RBMS3: variants seen among roughly 807,000 people sequenced by gnomAD.
The protein encoded by RBMS3 is RNA-binding motif, single-stranded-interacting protein 3.
In RBMS3, 27 loss-of-function variants were observed where a neutral mutation model predicts 66.8. That is an observed-to-expected ratio of 0.40 (90% confidence interval 0.30 to 0.56). RBMS3 has a LOEUF of 0.56. RBMS3 is among the 20% of genes least tolerant of loss of function. The pLI is 0.40. For missense variants in RBMS3, 513 were observed against 549.5 expected (o/e 0.93, Z 0.66); for synonymous variants, 188 against 183.0 (o/e 1.03, Z -0.22).
chr3:29,454,353 T>C (rs2042112517), intron 2 of RBMS3, among the ~76,000 whole-genome samples: 1 of 152,180 alleles, frequency 6.6e-6, no homozygotes, highest in Non-Finnish European at 1.5e-5. Context: ...TTCCCTCTGT[T>C]CACTCACAGA....
At chr3:29,386,078 C>G (rs2038996637) in intron 1 of RBMS3, among the ~76,000 whole-genome samples, 1 of 152,190 alleles carries the variant, frequency 6.6e-6, no homozygotes, top group South Asian at 2.1e-4. Flanking sequence ...GCTTGTCCCT[C>G]TCTCTTCTTT....
chr3:29,926,464 C>T (rs137917246), intron 10 of RBMS3, among the ~76,000 whole-genome samples: 55 of 152,274 alleles, frequency 3.6e-4, no homozygotes, highest in African/African-American at 1.3e-3. Flanking sequence ...GCAACTTGCA[C>T]TATAAACAAT....
At chr3:29,371,712 G>T (rs1394540222) in intron 1 of RBMS3, among the ~76,000 whole-genome samples, 3 of 152,066 alleles carry the variant, frequency 2.0e-5, no homozygotes, top group Non-Finnish European at 4.4e-5. Flanking sequence ...TGGTTCCAAG[G>T]AAGCCTTTAC....
chr3:29,691,626 G>A (rs1027354348), intron 4 of RBMS3, among the ~76,000 whole-genome samples: 1 of 152,044 alleles, frequency 6.6e-6, no homozygotes, highest in African/African-American at 2.4e-5. Context: ...AAACAAAATG[G>A]CTTAATTCAT....
At chr3:29,529,481 GA>G (rs1179953928) in intron 3 of RBMS3, among the ~76,000 whole-genome samples, 1 of 152,124 alleles carries the variant, frequency 6.6e-6, no homozygotes, top group African/African-American at 2.4e-5. Flanking sequence ...ATGATTCTGT[GA>G]GAAGAATTTA....
chr3:29,770,767 G>A (rs2056165402), intron 6 of RBMS3, among the ~76,000 whole-genome samples: 2 of 151,996 alleles, frequency 1.3e-5, no homozygotes, highest in South Asian at 2.1e-4. Flanking sequence ...GTCCGGATGA[G>A]TCCTATTAGG....
At position 30,002,625 on chromosome 3, in the gene RBMS3, A is replaced by C. The variant is rs1377915959; in HGVS notation, c.1308-1231A>C. On this transcript the variant is annotated intron_variant, in intron 14 of 14. Transcript: ENST00000383767. ...AAGATATCTCACTTTCTCATATAAC[A>C]CAGTAATATATTTTTAGGGACTTAA... Among the ~76,000 whole-genome samples, 3 of 152,042 alleles carry C rather than the reference A, an allele frequency of 2.0e-5. No individual in the cohort carries two copies. The East Asian group carries it at 5.8e-4, about 29-fold the overall frequency.
At chr3:29,362,482 C>T (rs1173861936) in intron 1 of RBMS3, among the ~76,000 whole-genome samples, 1 of 152,218 alleles carries the variant, frequency 6.6e-6, no homozygotes, top group Admixed American at 6.5e-5. Context: ...CCCAGATAGG[C>T]TGCTCGGGGG....
chr3:29,384,521 T>C (rs1176710802), intron 1 of RBMS3, among the ~76,000 whole-genome samples: 1 of 151,000 alleles, frequency 6.6e-6, no homozygotes, highest in African/African-American at 2.4e-5. Flanking sequence ...TGAAAAAGAG[T>C]AGTGAAGTGA....
In RBMS3 at chr3:29,608,851, C is replaced by T. The variant is rs559410224; in HGVS notation, c.399+21646C>T. On this transcript the variant is annotated intron_variant, in intron 4 of 14. Coordinates refer to ENST00000383767, the MANE Select transcript of RBMS3 (RefSeq NM_001003793.3). ...TATTTTTGTGTGTAAATACGTCTCTCTTCTGTGCTCCTTGTTTGCATTAGG... is the reference window on the plus strand; with the variant it reads ...TATTTTTGTGTGTAAATACGTCTCTTTTCTGTGCTCCTTGTTTGCATTAGG... Among the ~76,000 whole-genome samples the T allele has an allele frequency of 2.0e-5, 3 of 152,100 alleles. No individual in the cohort carries two copies. In the East Asian group the frequency reaches 5.8e-4, roughly 29 times the overall value.
chr3:29,929,971 G>C (rs1249909282), intron 10 of RBMS3, among the ~76,000 whole-genome samples: 1 of 151,508 alleles, frequency 6.6e-6, no homozygotes, highest in African/African-American at 2.4e-5. Flanking sequence ...TAATAGTCCT[G>C]TTTTCTTTCA....
rs577588908 is a variant in RBMS3 at position 29,481,952 on chromosome 3, A to G, written c.249-6489A>G. Among the ~76,000 whole-genome samples the G allele has an allele frequency of 4.6e-5, 7 of 152,330 alleles. No individual in the cohort carries two copies. In the South Asian group the frequency reaches 1.0e-3, roughly 23 times the overall value. On this transcript the variant is annotated intron_variant, in intron 2 of 14. Coordinates refer to ENST00000383767, the MANE Select transcript of RBMS3 (RefSeq NM_001003793.3). ...ATTTTATTTCATTTTTACAGTTGCT[A>G]TAGAAAACAGAACATAGTAATCATA...
chr3:29,435,876 G>C (rs1213862621), intron 2 of RBMS3, among the ~76,000 whole-genome samples: 1 of 141,612 alleles, frequency 7.1e-6, no homozygotes, highest in Non-Finnish European at 1.5e-5. Flanking sequence ...TCAGGAGGCT[G>C]AGGCAGGAGA....
chr3:29,307,592 C>T (rs1244459737), intron 1 of RBMS3, among the ~76,000 whole-genome samples: 1 of 151,796 alleles, frequency 6.6e-6, no homozygotes, highest in Non-Finnish European at 1.5e-5. Flanking sequence ...TTGTTCAGTG[C>T]AAGGTGAAAG....
intron 12 of RBMS3, 195 bp from the exon 13 acceptor site, chr3:29,987,948 C>T: frequency 1.9e-6 from 1 of 523,582 alleles, no homozygotes; most frequent in South Asian, 2.4e-5. Context: ...GGTAGGGCTA[C>T]TGTGGGTACT....
intron 2 of RBMS3, among the ~76,000 whole-genome samples, chr3:29,460,517 A>G (rs920318202): frequency 1.3e-5 from 2 of 152,178 alleles, no homozygotes. Flanking sequence ...TATGAATTGC[A>G]TTTTTAATAA....
At chr3:30,003,746 T>C (rs1426414138) in intron 14 of RBMS3, 110 bp from the exon 15 acceptor site, 4 of 683,314 alleles carry the variant, frequency 5.9e-6, no homozygotes, top group Non-Finnish European at 8.9e-6. Flanking sequence ...GTGACTATGT[T>C]ACATTGAAAG....
chr3:29,595,709 A>G (rs1242804565), intron 4 of RBMS3, among the ~76,000 whole-genome samples: 7 of 152,212 alleles, frequency 4.6e-5, no homozygotes, highest in Non-Finnish European at 1.0e-4. Flanking sequence ...GTATGTCAAA[A>G]TAAGAAAACT....
At chr3:29,625,848 C>G (rs1310640705) in intron 4 of RBMS3, among the ~76,000 whole-genome samples, 2 of 152,138 alleles carry the variant, frequency 1.3e-5, no homozygotes, top group Non-Finnish European at 2.9e-5. Context: ...AGTGTATAAA[C>G]TCTTCCAGAA....
Sources: allele counts gnomAD v4.1 joint callset (sites outside exome capture counted in the v4.1 genomes callset), GRCh38; gene constraint gnomAD v4.1.1; transcripts MANE v1.5; gene names NCBI Gene and HGNC (gene_info 2026-07-23, HGNC 2026-07-21).